Variants in AP3S1 observed in about 807,000 individuals in gnomAD.
The protein encoded by AP3S1 is AP-3 complex subunit sigma-1.
AP3S1 carries 12 observed loss-of-function variants against 21.3 expected under a neutral mutation model. The ratio of observed to expected loss-of-function variants is 0.56; its 90% confidence interval spans 0.36 to 0.91. The LOEUF is 0.91. Among genes scored for constraint, AP3S1 ranks in the 40% least tolerant of loss-of-function variants. The pLI is 0.01. For missense variants in AP3S1, 116 were observed against 225.0 expected, an observed-to-expected ratio of 0.52 and a Z score of 3.10; for synonymous variants, 48 against 78.4, an observed-to-expected ratio of 0.61 and a Z score of 2.05.
At chr5:115,867,994 G>A (rs1466266436) in intron 2 of AP3S1, among the ~76,000 whole-genome samples, 2 of 152,162 alleles carry the variant, frequency 1.3e-5, no homozygotes, top group Non-Finnish European at 2.9e-5. Flanking sequence ...TCACTAACTA[G>A]CTGATTTCCT....
intron 3 of AP3S1, among the ~76,000 whole-genome samples, chr5:115,871,971 A>C (rs972872934): frequency 1.3e-5 from 2 of 152,324 alleles, no homozygotes; most frequent in South Asian, 2.1e-4. Flanking sequence ...TAACCCAAGC[A>C]GACAACTTAG....
rs144711689 is a variant in AP3S1 at position 115,846,247 on chromosome 5, A to G, written c.69+4141A>G. Among the ~76,000 whole-genome samples the G allele has an allele frequency of 3.1e-3, 473 of 152,126 alleles. 1 individual carries two copies. Among genetic ancestry groups the G allele is most frequent in the South Asian group, 4.8e-3 (23 of 4,816 alleles). On this transcript the variant is annotated intron_variant, in intron 1 of 5. Coordinates refer to ENST00000316788, the MANE Select transcript of AP3S1 (RefSeq NM_001284.4). ...TGGTCTTAACCTCCTGGCCTCAAAC[A>G]CTCCTCCAGCTTTGGCTTCCCAAAG... is the stretch of plus-strand genomic sequence containing the variant.
chr5:115,868,131 A>T (rs986159383), intron 2 of AP3S1, among the ~76,000 whole-genome samples: 7 of 152,200 alleles, frequency 4.6e-5, no homozygotes, highest in Non-Finnish European at 1.0e-4. Context: ...AATTTTTGTC[A>T]GTATTATACT....
chr5:115,879,202 C>A (rs185294386), intron 3 of AP3S1, among the ~76,000 whole-genome samples: 16 of 152,300 alleles, frequency 1.1e-4, no homozygotes, highest in African/African-American at 3.1e-4. Flanking sequence ...TTTCTCTTGC[C>A]TGATTGCCCT....
chr5:115,884,057 A>G (rs1244631673), intron 3 of AP3S1, among the ~76,000 whole-genome samples: 2 of 152,194 alleles, frequency 1.3e-5, no homozygotes, highest in East Asian at 3.8e-4. Flanking sequence ...TACCATGGTA[A>G]TAATTCATGT....
At chr5:115,861,562 A>C (rs182043969) in intron 1 of AP3S1, among the ~76,000 whole-genome samples, 1 of 152,188 alleles carries the variant, frequency 6.6e-6, no homozygotes, top group East Asian at 1.9e-4. Flanking sequence ...ATTATTAAAA[A>C]AATTTTTTTT....
intron 5 of AP3S1, among the ~76,000 whole-genome samples, chr5:115,909,778 C>T (rs758845457): frequency 6.6e-6 from 1 of 152,112 alleles, no homozygotes; most frequent in Non-Finnish European, 1.5e-5. Context: ...CAGTAATCCC[C>T]CCTTACCTGT....
At chr5:115,873,400 T>A (rs1363539532) in intron 3 of AP3S1, among the ~76,000 whole-genome samples, 2 of 152,198 alleles carry the variant, frequency 1.3e-5, no homozygotes, top group Non-Finnish European at 2.9e-5. Flanking sequence ...AGGAGGACTT[T>A]GTCATTTTCC....
chr5:115,863,126 G>T (rs145417714), intron 1 of AP3S1, among the ~76,000 whole-genome samples: 4 of 152,074 alleles, frequency 2.6e-5, no homozygotes, highest in African/African-American at 7.2e-5. Flanking sequence ...ATGGCTGGGC[G>T]TGGTGGCTCC....
chr5:115,870,162 A>G, intron 3 of AP3S1, 34 bp downstream of exon 3: 1 of 1,303,828 alleles, frequency 7.7e-7, no homozygotes, highest in African/African-American at 1.5e-5. Flanking sequence ...TATCTTAAAT[A>G]ACAGTTTGAC....
chr5:115,908,092 T>C (rs1330510991), intron 5 of AP3S1, among the ~76,000 whole-genome samples: 2 of 152,178 alleles, frequency 1.3e-5, no homozygotes, highest in Non-Finnish European at 2.9e-5. Context: ...TGAGAAGAAG[T>C]AGCAACATAC....
At chr5:115,893,574 A>G (rs1019736104) in intron 3 of AP3S1, among the ~76,000 whole-genome samples, 1 of 152,188 alleles carries the variant, frequency 6.6e-6, no homozygotes, top group Admixed American at 6.5e-5. Context: ...TTGTTCAAGG[A>G]TGAACTGTAG....
chr5:115,906,385 T>C (rs555092958), intron 5 of AP3S1, among the ~76,000 whole-genome samples: 15 of 152,308 alleles, frequency 9.8e-5, no homozygotes, highest in Non-Finnish European at 1.9e-4. Flanking sequence ...GGTCTAAAGT[T>C]AGTACATTTC....
chr5:115,866,340 T>A (rs1763617553), intron 1 of AP3S1, among the ~76,000 whole-genome samples: 1 of 152,232 alleles, frequency 6.6e-6, no homozygotes, highest in African/African-American at 2.4e-5. Flanking sequence ...TTTACTCATT[T>A]GTAAGATAAT....
intron 3 of AP3S1, among the ~76,000 whole-genome samples, chr5:115,882,118 C>G (rs1399444916): frequency 6.6e-6 from 1 of 151,918 alleles, no homozygotes; most frequent in Non-Finnish European, 1.5e-5. Context: ...TATCAAGGCT[C>G]TTAGCTTCCT....
intron 1 of AP3S1, among the ~76,000 whole-genome samples, chr5:115,866,397 A>C (rs1763623532): frequency 6.6e-6 from 1 of 152,164 alleles, no homozygotes; most frequent in Non-Finnish European, 1.5e-5. Flanking sequence ...CAGTGTATGT[A>C]ATTCATCTAA....
chr5:115,853,133 C>G lies in AP3S1; in HGVS notation c.69+11027C>G, dbSNP rs1173557245. 12 of 365,848 alleles carry G rather than the reference C, an allele frequency of 3.3e-5. No individual in the cohort carries two copies. The Admixed American group carries it at 3.9e-4, about 12-fold the overall frequency. The allele number at this position is 365,848 out of a possible 1,614,324, so 22.7% of individuals were successfully genotyped here. On this transcript the variant is annotated intron_variant, in intron 1 of 5. Transcript: ENST00000316788. ...CAGTTTCTTCATATCCTAACCAACT[C>G]TTGTTATTGTTGGTTATTTTTATTC...
Position 115,845,836 on chromosome 5 carries a change from C to CAAAAAAAA in AP3S1, c.69+3761_69+3768dup. On this transcript the variant is annotated intron_variant, in intron 1 of 5. Transcript: ENST00000316788. ...TGGGTGACAGAGTGAGACTCCATCT[C>CAAAAAAAA]AAAAAAAAAAAAAAAAAAAAAAAAA... is the stretch of plus-strand genomic sequence containing the variant. Among the ~76,000 whole-genome samples the CAAAAAAAA allele has an allele frequency of 1.3e-3, 44 of 34,450 alleles. 9 individuals are homozygous for CAAAAAAAA. The highest frequency in any genetic ancestry group is 1.7e-3 in the Non-Finnish European group (30 of 17,804). The allele number at this position is 34,450 out of a possible 152,430, so 22.6% of individuals were successfully genotyped here.
At chr5:115,853,721 C>T (rs1382450076) in intron 1 of AP3S1, among the ~76,000 whole-genome samples, 2 of 151,962 alleles carry the variant, frequency 1.3e-5, no homozygotes, top group South Asian at 2.1e-4. Flanking sequence ...TTATTCTTTC[C>T]CTATTGAATT....
Sources: gnomAD v4.1 joint callset for allele counts (sites outside exome capture counted in the v4.1 genomes callset) on GRCh38, gnomAD v4.1.1 for gene constraint, MANE v1.5 for transcripts, NCBI Gene and HGNC (gene_info 2026-07-23, HGNC 2026-07-21) for gene names.